Variants in IRF2 observed in about 807,000 individuals in gnomAD.
IRF2 encodes interferon regulatory factor 2.
Under a neutral mutation model 40.6 loss-of-function variants are expected in IRF2, and 15 were observed. The observed-to-expected ratio is 0.37, with a 90% CI of 0.25 to 0.57. The LOEUF (loss-of-function observed/expected upper bound fraction) is 0.57, where lower values mean the gene tolerates loss of function less well. IRF2 is among the 20% of genes least tolerant of loss of function. The pLI is 0.77. For missense variants in IRF2, 317 were observed against 455.7 expected (o/e 0.70, Z 2.77); for synonymous variants, 151 against 165.5 (o/e 0.91, Z 0.67).
At chr4:184,415,340 C>A (rs1737228494) in intron 5 of IRF2, among the ~76,000 whole-genome samples, 1 of 152,234 alleles carries the variant, frequency 6.6e-6, no homozygotes, top group Admixed American at 6.5e-5. Flanking sequence ...GGCTCTTGAC[C>A]CACACGGCTG....
At chr4:184,403,552 G>T (rs986613516) in intron 6 of IRF2, among the ~76,000 whole-genome samples, 3 of 152,182 alleles carry the variant, frequency 2.0e-5, no homozygotes, top group African/African-American at 7.2e-5. Context: ...TAGACATGCT[G>T]AAACAACCAT....
Position 184,434,099 on chromosome 4 carries a change from T to C in IRF2, c.-6-5029A>G, listed in dbSNP as rs1737991110. 2.0e-5 allele frequency among the ~76,000 whole-genome samples: 3 copies of C among 152,178 alleles called. No homozygotes were observed. In the South Asian group the frequency reaches 6.2e-4, roughly 31 times the overall value. Reference sequence around the variant, plus strand: ...TAGCTTCCATTATCGAAAGTCAAGGTGACACGCTGGTCTTTCTGTAAGGCA... The same window carrying C: ...TAGCTTCCATTATCGAAAGTCAAGGCGACACGCTGGTCTTTCTGTAAGGCA... On this transcript the variant is annotated intron_variant, in intron 1 of 8. Coordinates refer to ENST00000393593, the MANE Select transcript of IRF2 (RefSeq NM_002199.4).
At chr4:184,455,714 A>G (rs1433915858) in intron 1 of IRF2, among the ~76,000 whole-genome samples, 2 of 152,300 alleles carry the variant, frequency 1.3e-5, no homozygotes, top group East Asian at 3.9e-4. Flanking sequence ...TGAACAAATG[A>G]TAAGCAAAGG....
intron 1 of IRF2, among the ~76,000 whole-genome samples, chr4:184,429,334 A>G (rs1346855579): frequency 6.6e-6 from 1 of 152,084 alleles, no homozygotes; most frequent in Admixed American, 6.5e-5. Flanking sequence ...ACCAGGACCC[A>G]CACTCCTCCC....
chr4:184,390,226 C>T (rs1281164446), intron 8 of IRF2, among the ~76,000 whole-genome samples: 4 of 152,126 alleles, frequency 2.6e-5, no homozygotes, highest in Admixed American at 1.3e-4. Context: ...GGAGAGGGGA[C>T]GGGACCCACT....
intron 1 of IRF2, among the ~76,000 whole-genome samples, chr4:184,470,479 G>A (rs778799882): frequency 1.3e-5 from 2 of 151,980 alleles, no homozygotes; most frequent in African/African-American, 2.4e-5. Flanking sequence ...TCAGGAGTTC[G>A]AGACAAGCCT....
At chr4:184,441,799 T>A (rs1018253504) in intron 1 of IRF2, among the ~76,000 whole-genome samples, 6 of 152,204 alleles carry the variant, frequency 3.9e-5, no homozygotes, top group African/African-American at 1.2e-4. Flanking sequence ...CCCAAGAACG[T>A]GGGTACTACT....
intron 7 of IRF2, among the ~76,000 whole-genome samples, chr4:184,395,643 C>T (rs7683939): frequency 0.91 from 138,287 of 152,278 alleles, 62,862 homozygotes; most frequent in East Asian, 1. Context: ...ATGTTTTACA[C>T]CACTGTGAGC....
At chr4:184,464,388 T>C (rs1003163019) in intron 1 of IRF2, among the ~76,000 whole-genome samples, 10 of 151,458 alleles carry the variant, frequency 6.6e-5, no homozygotes, top group African/African-American at 2.4e-4. Context: ...AGGGAATGTA[T>C]AGGATAGGGA....
chr4:184,458,547 C>T (rs1399307693), intron 1 of IRF2, among the ~76,000 whole-genome samples: 1 of 152,164 alleles, frequency 6.6e-6, no homozygotes, highest in Admixed American at 6.5e-5. Flanking sequence ...GTACTTAAAA[C>T]TAATTTTAAG....
chr4:184,462,247 G>A (rs926805639), intron 1 of IRF2, among the ~76,000 whole-genome samples: 4 of 152,198 alleles, frequency 2.6e-5, no homozygotes, highest in African/African-American at 9.6e-5. Flanking sequence ...CCACTGAGCA[G>A]CTGGGAATTT....
At chr4:184,437,831 CAAA>C (rs35659512) in intron 1 of IRF2, among the ~76,000 whole-genome samples, 6,587 of 120,562 alleles carry the variant, frequency 0.055, 482 homozygotes, top group African/African-American at 0.18. Flanking sequence ...TTGGAACGTA[CAAA>C]AAAAAAAAAA....
At position 184,388,718 on chromosome 4, in the gene IRF2, A is replaced by T. The variant is rs1736141541; in HGVS notation, c.*40T>A. The stretch of plus-strand genomic sequence containing the variant: ...AAAATACAAACAAACAACAAAACAA[A>T]GCCAAGAAGCCCCAACAACCACCGC... On this transcript the variant is annotated 3_prime_UTR_variant, in exon 9 of 9. Transcript: ENST00000393593. This position sits in a 1 kb window ranked among gnomAD's most constrained non-coding sequence, Gnocchi z 4.6. The T allele has an allele frequency of 6.4e-7, 1 of 1,559,878 alleles. No individual in the cohort carries two copies. Among genetic ancestry groups the T allele is most frequent in the South Asian group, 1.2e-5 (1 of 84,048 alleles).
At chr4:184,423,409 T>G (rs998045683) in intron 2 of IRF2, among the ~76,000 whole-genome samples, 3 of 152,224 alleles carry the variant, frequency 2.0e-5, no homozygotes, top group African/African-American at 4.8e-5. Flanking sequence ...TGGCCCCACA[T>G]GGAAACTAGT....
In IRF2 at chr4:184,388,734, C is replaced by A; in HGVS notation, c.*24G>T. ...ACAAAACAAAGCCAAGAAGCCCCAACAACCACCGCGGAGAGTCAGAGGCTT... is the reference window on the plus strand; with the variant it reads ...ACAAAACAAAGCCAAGAAGCCCCAAAAACCACCGCGGAGAGTCAGAGGCTT... On this transcript the variant is annotated 3_prime_UTR_variant, in exon 9 of 9. Coordinates refer to ENST00000393593, the MANE Select transcript of IRF2 (RefSeq NM_002199.4). The surrounding 1 kb of genome is among the most constrained non-coding windows in gnomAD (Gnocchi z 4.6). 6.3e-7 allele frequency: 1 copy of A among 1,575,092 alleles called. No homozygotes were observed. The highest frequency in any genetic ancestry group is 1.2e-5 in the South Asian group (1 of 84,744).
In IRF2 at chr4:184,468,435, C is replaced by T. The variant is rs1396419096; in HGVS notation, c.-7+5944G>A. On this transcript the variant is annotated intron_variant, in intron 1 of 8. Transcript: ENST00000393593. Reference sequence around the variant, plus strand: ...CCAGGAGGCGGAGGTTGCAGTGAGCCGAGATCACACCACTGCCCTCCAGCC... The same window carrying T: ...CCAGGAGGCGGAGGTTGCAGTGAGCTGAGATCACACCACTGCCCTCCAGCC... Among the ~76,000 whole-genome samples the T allele has an allele frequency of 2.6e-5, 4 of 151,530 alleles. No homozygotes were observed. The East Asian group carries it at 5.8e-4, about 22-fold the overall frequency.
At chr4:184,402,889 G>A (rs72701791) in intron 6 of IRF2, among the ~76,000 whole-genome samples, 21 of 152,232 alleles carry the variant, frequency 1.4e-4, no homozygotes, top group Non-Finnish European at 2.4e-4. Context: ...TTATAGGACC[G>A]TGTGCCTTAA....
chr4:184,408,137 T>G lies in IRF2; in HGVS notation c.529+21A>C, dbSNP rs537119087. The G allele has an allele frequency of 1.0e-5, 15 of 1,446,504 alleles. No individual in the cohort carries two copies. Among genetic ancestry groups the G allele is most frequent in the African/African-American group, 4.2e-5 (3 of 71,412 alleles). 89.6% of individuals were successfully genotyped at this position (1,446,504 alleles called of 1,614,324 possible). ...GGGGGCTGCTGGTATGTATAAAAAA[T>G]GAGACGTCAAAACAGTTTACCTATG... On this transcript the variant is annotated intron_variant, in intron 6 of 8. Coordinates refer to ENST00000393593, the MANE Select transcript of IRF2 (RefSeq NM_002199.4). This position sits in a 1 kb window ranked among gnomAD's most constrained non-coding sequence, Gnocchi z 4.9.
Position 184,408,506 on chromosome 4 carries a change from G to A in IRF2, c.412-231C>T, listed in dbSNP as rs114292173. On this transcript the variant is annotated intron_variant, in intron 5 of 8. Transcript: ENST00000393593. The surrounding 1 kb of genome is among the most constrained non-coding windows in gnomAD (Gnocchi z 4.9). The stretch of plus-strand genomic sequence containing the variant: ...CATTTTCCTTCAAGGAAACGGTACC[G>A]GCCCATCTGGCTTGCCTTTAGGAAA... Among the ~76,000 whole-genome samples, 753 of 152,262 alleles carry A rather than the reference G, an allele frequency of 4.9e-3. 13 individuals are homozygous for A. The highest frequency in any genetic ancestry group is 0.017 in the African/African-American group (699 of 41,540).
Sources: allele counts gnomAD v4.1 joint callset (sites outside exome capture counted in the v4.1 genomes callset), GRCh38; gene constraint gnomAD v4.1.1; non-coding constraint Gnocchi (gnomAD v3.1); transcripts MANE v1.5; gene names NCBI Gene and HGNC (gene_info 2026-07-23, HGNC 2026-07-21).